ELAVL2: variants seen among roughly 807,000 people sequenced by gnomAD.
The protein encoded by ELAVL2 is ELAV-like protein 2.
Under a neutral mutation model 34.6 loss-of-function variants are expected in ELAVL2, and 4 were observed. The observed-to-expected ratio is 0.12, with a 90% CI of 0.06 to 0.26. ELAVL2 has a LOEUF of 0.26. ELAVL2 is among the 10% of genes least tolerant of loss of function. The pLI is 1.00. For synonymous variants in ELAVL2, 193 were observed against 154.8 expected, an observed-to-expected ratio of 1.25 and a Z score of -1.83; for missense variants, 432 against 442.8, an observed-to-expected ratio of 0.98 and a Z score of 0.22.
At chr9:23,788,754 C>T (rs1029435221) in intron 1 of ELAVL2, among the ~76,000 whole-genome samples, 4 of 152,156 alleles carry the variant, frequency 2.6e-5, no homozygotes, top group Non-Finnish European at 5.9e-5. Context: ...ACGAGCAGTG[C>T]AATACCTCGA....
chr9:23,741,319 G>C (rs1006488117), intron 2 of ELAVL2, among the ~76,000 whole-genome samples: 2 of 152,110 alleles, frequency 1.3e-5, no homozygotes, highest in African/African-American at 4.8e-5. Flanking sequence ...CCATGTGAAG[G>C]TTTACAGCAG....
chr9:23,705,379 G>T (rs1196007642), intron 3 of ELAVL2, among the ~76,000 whole-genome samples: 1 of 152,196 alleles, frequency 6.6e-6, no homozygotes, highest in Non-Finnish European at 1.5e-5. Context: ...TGGTCAATGG[G>T]TCTGGGATCA....
At chr9:23,722,043 C>T (rs1179620803) in intron 3 of ELAVL2, among the ~76,000 whole-genome samples, 2 of 152,150 alleles carry the variant, frequency 1.3e-5, no homozygotes, top group Admixed American at 1.3e-4. Flanking sequence ...TGCCCAAAAG[C>T]AGCATGTCAA....
intron 1 of ELAVL2, among the ~76,000 whole-genome samples, chr9:23,806,061 G>A (rs926860249): frequency 1.3e-5 from 2 of 151,432 alleles, no homozygotes; most frequent in Non-Finnish European, 2.9e-5. Flanking sequence ...AAAAGAAATA[G>A]CACTTTAATA....
the ELAVL2 span, among the ~76,000 whole-genome samples, chr9:23,837,706 C>A: frequency 6.6e-6 from 1 of 152,030 alleles, no homozygotes; most frequent in African/African-American, 2.4e-5. Flanking sequence ...TAAAGAAATA[C>A]AACAGAAATT....
At chr9:23,723,865 C>G (rs2134188645) in intron 3 of ELAVL2, among the ~76,000 whole-genome samples, 1 of 152,240 alleles carries the variant, frequency 6.6e-6, no homozygotes, top group South Asian at 2.1e-4. Context: ...CCACATGCCC[C>G]TTTCAATTCC....
chr9:23,792,533 C>A (rs557389854), intron 1 of ELAVL2, among the ~76,000 whole-genome samples: 31 of 152,312 alleles, frequency 2.0e-4, no homozygotes, highest in African/African-American at 6.7e-4. Flanking sequence ...CCTCCTCCAA[C>A]ATGCTCATCT....
chr9:23,807,822 T>C (rs1200290542), intron 1 of ELAVL2, among the ~76,000 whole-genome samples: 2 of 152,168 alleles, frequency 1.3e-5, no homozygotes, highest in East Asian at 3.8e-4. Context: ...TTTAAACAAA[T>C]ACTGATAATA....
intron 3 of ELAVL2, among the ~76,000 whole-genome samples, chr9:23,730,110 TTGAC>T (rs1465561099): frequency 6.6e-6 from 1 of 152,126 alleles, no homozygotes; most frequent in Non-Finnish European, 1.5e-5. Flanking sequence ...AGTGCCATGA[TTGAC>T]TGGCAATGTC....
At chr9:23,733,779 A>G (rs1009427474) in intron 2 of ELAVL2, among the ~76,000 whole-genome samples, 4 of 152,300 alleles carry the variant, frequency 2.6e-5, no homozygotes, top group Middle Eastern at 3.4e-3. Flanking sequence ...TTGCTAAATG[A>G]AAGAATGAGA....
intron 2 of ELAVL2, among the ~76,000 whole-genome samples, chr9:23,759,396 G>C (rs1212574688): frequency 6.6e-6 from 1 of 151,800 alleles, no homozygotes; most frequent in Non-Finnish European, 1.5e-5. Flanking sequence ...GGTACCAGAG[G>C]GTGGAGAAGA....
intron 1 of ELAVL2, among the ~76,000 whole-genome samples, chr9:23,775,069 G>T (rs1174286669): frequency 1.3e-5 from 2 of 152,124 alleles, no homozygotes; most frequent in East Asian, 1.9e-4. Flanking sequence ...AAATAGAAAA[G>T]GAACTTTCCG....
rs978683285 is a variant in ELAVL2, at chr9:23,690,989, A to G, written c.*1568T>C. 1 of 152,594 alleles carries G rather than the reference A, an allele frequency of 6.6e-6. No individual in the cohort carries two copies. Among genetic ancestry groups the G allele is most frequent in the Non-Finnish European group, 1.5e-5 (1 of 67,992 alleles). 9.5% of individuals were successfully genotyped at this position (152,594 alleles called of 1,614,324 possible). A position where few individuals can be genotyped will look rare whatever the true frequency, so the allele number is the denominator to read the frequency against. ...TTTATGATTTTTGTATGAAAAATGT[A>G]AGGAAATTTGTTCAAAACCTATGGT... On this transcript the variant is annotated 3_prime_UTR_variant, in exon 7 of 7. Coordinates refer to ENST00000397312, the MANE Select transcript of ELAVL2 (RefSeq NM_004432.5).
At chr9:23,811,529 C>CA (rs2063000256) in intron 1 of ELAVL2, among the ~76,000 whole-genome samples, 1 of 152,210 alleles carries the variant, frequency 6.6e-6, no homozygotes, top group Non-Finnish European at 1.5e-5. Flanking sequence ...AAAAGCACCC[C>CA]AGCTTCTGTC....
At chr9:23,795,095 A>C (rs76731283) in intron 1 of ELAVL2, among the ~76,000 whole-genome samples, 9,120 of 152,194 alleles carry the variant, frequency 0.06, 317 homozygotes, top group Middle Eastern at 0.15. Context: ...ACATTAAAAA[A>C]CACATTTCTA....
chr9:23,843,189 T>G, the ELAVL2 span, among the ~76,000 whole-genome samples: 1 of 152,120 alleles, frequency 6.6e-6, no homozygotes, highest in African/African-American at 2.4e-5. Flanking sequence ...CTGAATGCTA[T>G]TCAAACTCAC....
the ELAVL2 span, among the ~76,000 whole-genome samples, chr9:23,843,981 A>G: frequency 1.1e-3 from 167 of 152,154 alleles, 1 homozygote; most frequent in Non-Finnish European, 2.0e-3. Flanking sequence ...CTCTCATCAT[A>G]AGTACATATC....
chr9:23,848,143 A>C, the ELAVL2 span, among the ~76,000 whole-genome samples: 1 of 152,014 alleles, frequency 6.6e-6, no homozygotes, highest in Non-Finnish European at 1.5e-5. Context: ...GTTTATTTTA[A>C]AACCCCAGGT....
At chr9:23,841,390 G>A in the ELAVL2 span, among the ~76,000 whole-genome samples, 1 of 152,052 alleles carries the variant, frequency 6.6e-6, no homozygotes, top group Non-Finnish European at 1.5e-5. Context: ...GGAATTCAGA[G>A]AAATTCCAAT....
Sources: gnomAD v4.1 joint callset for allele counts (sites outside exome capture counted in the v4.1 genomes callset) on GRCh38, gnomAD v4.1.1 for gene constraint, MANE v1.5 for transcripts, NCBI Gene and HGNC (gene_info 2026-07-23, HGNC 2026-07-21) for gene names.